The following FAR2 variants were observed in gnomAD, a reference collection of about 807,000 sequenced individuals.
FAR2 encodes epididymis secretory protein Li 81.
Under a neutral mutation model 56.0 loss-of-function variants are expected in FAR2, and 19 were observed. The ratio of observed to expected loss-of-function variants is 0.34; its 90% CI spans 0.24 to 0.50. FAR2 has a LOEUF of 0.50. Among genes scored for constraint, FAR2 ranks in the 20% least tolerant of loss-of-function variants. FAR2 has a pLI of 0.98. For synonymous variants in FAR2, 219 were observed against 218.8 expected, an observed-to-expected ratio of 1.00 and a Z score of -0.01; for missense variants, 508 against 642.2, an observed-to-expected ratio of 0.79 and a Z score of 2.26.
chr12:29,233,713 A>G (rs1034102023), intron 1 of FAR2, among the ~76,000 whole-genome samples: 4 of 152,184 alleles, frequency 2.6e-5, no homozygotes, highest in Non-Finnish European at 5.9e-5. Context: ...TTTTGTTTTT[A>G]GATCAATGTA....
intron 1 of FAR2, among the ~76,000 whole-genome samples, chr12:29,198,858 T>C (rs945630120): frequency 6.6e-6 from 1 of 152,164 alleles, no homozygotes; most frequent in South Asian, 2.1e-4. Flanking sequence ...GCATTTGAAG[T>C]TCATTAATTT....
intron 1 of FAR2, among the ~76,000 whole-genome samples, chr12:29,259,267 A>C (rs1591901730): frequency 1.3e-5 from 2 of 152,184 alleles, no homozygotes; most frequent in Non-Finnish European, 2.9e-5. Context: ...CTAATGAAGG[A>C]AGGCCGGGGA....
chr12:29,307,009 G>C (rs1423677129), intron 4 of FAR2, among the ~76,000 whole-genome samples: 4 of 152,170 alleles, frequency 2.6e-5, no homozygotes. Flanking sequence ...TTTGCATTGA[G>C]TGGAATTTTT....
intron 2 of FAR2, among the ~76,000 whole-genome samples, chr12:29,290,141 A>G (rs1014129171): frequency 2.6e-5 from 4 of 152,176 alleles, no homozygotes; most frequent in African/African-American, 9.7e-5. Context: ...ATGTTCCTCA[A>G]AAAACAATAG....
intron 1 of FAR2, among the ~76,000 whole-genome samples, chr12:29,186,798 A>G (rs1950047765): frequency 8.9e-6 from 1 of 112,088 alleles, no homozygotes; most frequent in South Asian, 2.7e-4. Context: ...TTATTTATTT[A>G]TTTATTTTGA....
At chr12:29,244,068 T>G (rs1383748607) in intron 1 of FAR2, among the ~76,000 whole-genome samples, 1 of 152,226 alleles carries the variant, frequency 6.6e-6, no homozygotes, top group Non-Finnish European at 1.5e-5. Flanking sequence ...GTGGTGATAG[T>G]AGACATTACC....
chr12:29,213,181 G>C (rs1225647844), intron 1 of FAR2, among the ~76,000 whole-genome samples: 3 of 151,834 alleles, frequency 2.0e-5, no homozygotes, highest in African/African-American at 7.3e-5. Flanking sequence ...CTCCTTCAAA[G>C]TGACAAAGTT....
In FAR2 at chr12:29,176,819, T is replaced by C. The variant is rs550901386; in HGVS notation, c.-39+27412T>C. Among the ~76,000 whole-genome samples, 126 of 148,562 alleles carry C rather than the reference T, an allele frequency of 8.5e-4. 1 individual carries two copies. Among genetic ancestry groups the C allele is most frequent in the African/African-American group, 2.9e-3 (119 of 41,104 alleles). The stretch of plus-strand genomic sequence containing the variant: ...TGTTCATATGGGCAATGTGGACACA[T>C]GTCAATGTAATGGAGAAAAGGGAAA... On this transcript the variant is annotated intron_variant, in intron 1 of 11. Coordinates refer to ENST00000536681, the MANE Select transcript of FAR2 (RefSeq NM_001271783.2).
At chr12:29,226,505 A>T (rs1591868054) in intron 1 of FAR2, among the ~76,000 whole-genome samples, 1 of 152,124 alleles carries the variant, frequency 6.6e-6, no homozygotes, top group Non-Finnish European at 1.5e-5. Context: ...CTCTGGGGAG[A>T]AAAAAAGGTT....
At chr12:29,262,987 C>T (rs201030891) in intron 1 of FAR2, among the ~76,000 whole-genome samples, 2 of 152,044 alleles carry the variant, frequency 1.3e-5, no homozygotes, top group East Asian at 1.9e-4. Flanking sequence ...CAAAAAATAA[C>T]ACTTATAGCT....
intron 8 of FAR2, among the ~76,000 whole-genome samples, chr12:29,315,407 G>A (rs1200252150): frequency 6.6e-6 from 1 of 152,154 alleles, no homozygotes; most frequent in Non-Finnish European, 1.5e-5. Flanking sequence ...TCCAGACCAT[G>A]GCTTTGCCTC....
At chr12:29,317,184 C>T (rs1345979389) in intron 9 of FAR2, among the ~76,000 whole-genome samples, 172 bp downstream of exon 9, 1 of 152,144 alleles carries the variant, frequency 6.6e-6, no homozygotes, top group Non-Finnish European at 1.5e-5. Context: ...CTCCAAAATC[C>T]AAAACGTTTT....
intron 11 of FAR2, chr12:29,333,318 A>G (rs953225093): frequency 1.1e-5 from 3 of 284,540 alleles, no homozygotes; most frequent in Middle Eastern, 1.1e-3. Context: ...TCTAATGAAC[A>G]AGAACCAGTG....
chr12:29,238,328 A>G (rs1429829993), intron 1 of FAR2, among the ~76,000 whole-genome samples: 4 of 152,274 alleles, frequency 2.6e-5, no homozygotes, highest in Non-Finnish European at 5.9e-5. Context: ...ACACTAAGAT[A>G]CCCAATTAAA....
rs1949276262 is a variant in FAR2 at position 29,307,749 on chromosome 12, ATGG to A, written c.643_645del (p.Val215del). On this transcript the variant is annotated inframe_deletion, in exon 5 of 12. Coordinates refer to ENST00000536681, the MANE Select transcript of FAR2 (RefSeq NM_001271783.2). ...TACCTACACCAAGGCCTTGGGAGAA[ATGG>A]TGGTGCAGCAAGAGAGCAGGAACCT... The A allele has an allele frequency of 1.2e-6, 2 of 1,613,648 alleles. No individual in the cohort carries two copies. Among genetic ancestry groups the A allele is most frequent in the African/African-American group, 2.7e-5 (2 of 74,872 alleles).
intron 2 of FAR2, among the ~76,000 whole-genome samples, chr12:29,271,127 G>C (rs1948611416): frequency 6.6e-6 from 1 of 152,048 alleles, no homozygotes. Context: ...TTATTTATGG[G>C]AACTTTTGAT....
chr12:29,224,213 A>G (rs1196039231), intron 1 of FAR2, among the ~76,000 whole-genome samples: 2 of 152,208 alleles, frequency 1.3e-5, no homozygotes, highest in African/African-American at 2.4e-5. Context: ...CAAGTTCACT[A>G]TGACTGCATG....
chr12:29,240,703 C>T (rs945856524), intron 1 of FAR2, among the ~76,000 whole-genome samples: 1 of 152,066 alleles, frequency 6.6e-6, no homozygotes, highest in Admixed American at 6.6e-5. Context: ...GGTAACTGAA[C>T]TTTGTAATTA....
intron 8 of FAR2, among the ~76,000 whole-genome samples, chr12:29,316,181 T>G (rs1949447943): frequency 6.6e-6 from 1 of 152,112 alleles, no homozygotes; most frequent in African/African-American, 2.4e-5. Context: ...TAAATAAAAT[T>G]GAATTCAAAT....
Sources: allele counts gnomAD v4.1 joint callset (sites outside exome capture counted in the v4.1 genomes callset), GRCh38; gene constraint gnomAD v4.1.1; transcripts MANE v1.5; gene names NCBI Gene and HGNC (gene_info 2026-07-23, HGNC 2026-07-21).